Variants in ERVH48-1 observed in about 807,000 individuals in gnomAD.
ERVH48-1 encodes the protein endogenous retrovirus group 48 member 1, envelope.
A neutral mutation model predicts 2.4 loss-of-function variants in ERVH48-1; 4 were observed. The observed-to-expected ratio is 1.68, with a 90% confidence interval of 0.83 to 3.84. The LOEUF is 3.84. Ranked by LOEUF, ERVH48-1 falls within the 30% of genes most tolerant of loss-of-function variation. The pLI is 0.01. For synonymous variants in ERVH48-1, 32 were observed against 15.5 expected (o/e 2.06, Z -2.49); for missense variants, 97 against 43.4 (o/e 2.23, Z -3.47).
intron 1 of ERVH48-1, among the ~76,000 whole-genome samples, chr21:42,925,066 C>T (rs1173577858): frequency 6.6e-6 from 1 of 151,996 alleles, no homozygotes; most frequent in African/African-American, 2.4e-5. Context: ...CTGCCTCAGC[C>T]TCCCGAGTAG....
intron 1 of ERVH48-1, among the ~76,000 whole-genome samples, chr21:42,924,701 G>A (rs867405528): frequency 1.3e-5 from 2 of 152,158 alleles, no homozygotes; most frequent in Non-Finnish European, 2.9e-5. Context: ...CTCGCCTGAG[G>A]TCTAAGGTTT....
chr21:42,925,038 C>T (rs2058816740), intron 1 of ERVH48-1, among the ~76,000 whole-genome samples: 3 of 152,058 alleles, frequency 2.0e-5, no homozygotes, highest in East Asian at 1.9e-4. Context: ...CTCCACCTCC[C>T]GGGTTCAAGC....
At chr21:42,923,544 A>G (rs1277014796) in intron 1 of ERVH48-1, among the ~76,000 whole-genome samples, 1 of 152,044 alleles carries the variant, frequency 6.6e-6, no homozygotes, top group Non-Finnish European at 1.5e-5. Context: ...AGAGAGGAAA[A>G]AGGGCTGGGT....
intron 1 of ERVH48-1, among the ~76,000 whole-genome samples, chr21:42,923,245 C>T (rs2058812135): frequency 6.6e-6 from 1 of 152,264 alleles, no homozygotes; most frequent in Non-Finnish European, 1.5e-5. Context: ...TAGGAGGCTC[C>T]CGTGTGGAGC....
rs566366208 is a variant in ERVH48-1, at chr21:42,917,336, A to T, written c.*1188T>A. Reference sequence around the variant, plus strand: ...TCAACAAGAGTTTTAATGGGATACCACAGGGGAGAAACAGGAGGACCCCAG... The same window carrying T: ...TCAACAAGAGTTTTAATGGGATACCTCAGGGGAGAAACAGGAGGACCCCAG... On this transcript the variant is annotated 3_prime_UTR_variant, in exon 2 of 2. Coordinates refer to ENST00000447535, the MANE Select transcript of ERVH48-1 (RefSeq NM_001308491.2). The T allele has an allele frequency of 1.3e-5, 2 of 152,280 alleles. No homozygotes were observed. Among genetic ancestry groups the T allele is most frequent in the East Asian group, 1.9e-4 (1 of 5,186 alleles). The allele number at this position is 152,280 out of a possible 1,614,324, so 9.4% of individuals were successfully genotyped here.
In ERVH48-1 at chr21:42,925,578, T is replaced by G; in HGVS notation, c.-518A>C. On this transcript the variant is annotated 5_prime_UTR_variant, in exon 1 of 2. Transcript: ENST00000447535. ...CACGAGGCGGTGTGGAGCAACACAC[T>G]GTTTTAATAAGCACCTGGATGCAGA... The G allele has an allele frequency of 4.2e-6, 1 of 239,758 alleles. No individual in the cohort carries two copies. The highest frequency in any genetic ancestry group is 8.1e-6 in the Non-Finnish European group (1 of 123,404). 14.9% of individuals were successfully genotyped at this position (239,758 alleles called of 1,614,324 possible).
In ERVH48-1 at chr21:42,925,369, T is replaced by A; in HGVS notation, c.-309A>T. The A allele has an allele frequency of 2.2e-6, 1 of 463,564 alleles. No individual in the cohort carries two copies. The highest frequency in any genetic ancestry group is 3.6e-5 in the Admixed American group (1 of 27,628). 28.7% of individuals were successfully genotyped at this position (463,564 alleles called of 1,614,324 possible). On this transcript the variant is annotated 5_prime_UTR_variant, in exon 1 of 2. Coordinates refer to ENST00000447535, the MANE Select transcript of ERVH48-1 (RefSeq NM_001308491.2). The stretch of plus-strand genomic sequence containing the variant: ...ACCAGTAGGCGAGATCAGTGACCGA[T>A]GTGCATGCACAGAGAGGCGACTAGA...
At chr21:42,923,725 C>A (rs1358097820) in intron 1 of ERVH48-1, among the ~76,000 whole-genome samples, 1 of 152,148 alleles carries the variant, frequency 6.6e-6, no homozygotes, top group Non-Finnish European at 1.5e-5. Context: ...TGCCTCTGTG[C>A]CAGCAGGCTG....
chr21:42,923,532 C>G (rs1483610916), intron 1 of ERVH48-1, among the ~76,000 whole-genome samples: 1 of 152,098 alleles, frequency 6.6e-6, no homozygotes, highest in East Asian at 1.9e-4. Context: ...TTCCATTAAA[C>G]AAGAGAGGAA....
intron 1 of ERVH48-1, among the ~76,000 whole-genome samples, chr21:42,920,379 G>C (rs2058802269): frequency 6.6e-6 from 1 of 152,152 alleles, no homozygotes; most frequent in Admixed American, 6.5e-5. Context: ...GGATTGTCTG[G>C]GGTTTGGTGG....
chr21:42,918,558 G>A lies in ERVH48-1; in HGVS notation c.449C>T (p.Pro150Leu), dbSNP rs77912643. ...TTGTATAAAGGAATGGAAATGCCGC[G>A]GGCGATTTTCAGGGGGAGTTGTTGG... ...SKPTTPPENR[P>L]RHFHSFIQKL Residue 150 changes from proline (P) to leucine (L), a missense_variant, in exon 2 of 2, where the codon CCG becomes CTG. Pro to Leu is a moderately conservative substitution (Grantham distance 98). Transcript: ENST00000447535. The A allele has an allele frequency of 0.027, 12,263 of 456,228 alleles. 251 individuals are homozygous for A. Among genetic ancestry groups the A allele is most frequent in the Non-Finnish European group, 0.034 (7,801 of 226,708 alleles). The allele number at this position is 456,228 out of a possible 1,614,324, so 28.3% of individuals were successfully genotyped here.
intron 1 of ERVH48-1, among the ~76,000 whole-genome samples, chr21:42,924,269 A>T (rs1042489929): frequency 2.6e-5 from 4 of 152,082 alleles, no homozygotes; most frequent in African/African-American, 4.8e-5. Context: ...AGGATGGTGT[A>T]GGAAAAGAAG....
rs374260362 is a variant in ERVH48-1, at chr21:42,925,469, G to A, written c.-409C>T. ...GAGGGGTGGTAGGTCCACTGGGGAC[G>A]TGGACGGAAGCCCCTCGCAGGTTTC... On this transcript the variant is annotated 5_prime_UTR_variant, in exon 1 of 2. It adds an upstream start codon to the 5' untranslated region. Coordinates refer to ENST00000447535, the MANE Select transcript of ERVH48-1 (RefSeq NM_001308491.2). 2.1e-4 allele frequency: 86 copies of A among 400,664 alleles called. 1 individual carries two copies. Among genetic ancestry groups the A allele is most frequent in the East Asian group, 1.9e-3 (26 of 13,424 alleles). The allele number at this position is 400,664 out of a possible 1,614,324, so 24.8% of individuals were successfully genotyped here.
Position 42,918,380 on chromosome 21 carries a change from G to A in ERVH48-1, c.*144C>T, listed in dbSNP as rs1032580118. 5.5e-6 allele frequency: 2 copies of A among 362,566 alleles called. No homozygotes were observed. Among genetic ancestry groups the A allele is most frequent in the African/African-American group, 4.3e-5 (2 of 46,762 alleles). 22.5% of individuals were successfully genotyped at this position (362,566 alleles called of 1,614,324 possible). ...GTTTTGGGATGCCTGTAAGTAAGGGGGAATGTCTATCCCGTCCCACAGCCA... is the reference window on the plus strand; with the variant it reads ...GTTTTGGGATGCCTGTAAGTAAGGGAGAATGTCTATCCCGTCCCACAGCCA... On this transcript the variant is annotated 3_prime_UTR_variant, in exon 2 of 2. Transcript: ENST00000447535.
intron 1 of ERVH48-1, among the ~76,000 whole-genome samples, chr21:42,919,811 T>C (rs2058800092): frequency 6.6e-6 from 1 of 152,180 alleles, no homozygotes; most frequent in South Asian, 2.1e-4. Context: ...TTGTTGGGAA[T>C]GCTTCTACCC....
In ERVH48-1 at chr21:42,918,562, G is replaced by A. The variant is rs1477966563; in HGVS notation, c.445C>T (p.Arg149Cys). The A allele has an allele frequency of 8.8e-6, 4 of 456,212 alleles. No homozygotes were observed. Among genetic ancestry groups the A allele is most frequent in the African/African-American group, 4.0e-5 (2 of 50,020 alleles). 28.3% of individuals were successfully genotyped at this position (456,212 alleles called of 1,614,324 possible). A position where few individuals can be genotyped will look rare whatever the true frequency, so the allele number is the denominator to read the frequency against. Residue 149 changes from arginine to cysteine, a missense_variant, in exon 2 of 2, where the codon CGC (arginine) becomes TGC (cysteine). Physicochemically the swap from Arg to Cys is radical, Grantham distance 180. Transcript: ENST00000447535. ...ATAAAGGAATGGAAATGCCGCGGGC[G>A]ATTTTCAGGGGGAGTTGTTGGTTTT... ...ASKPTTPPEN[R>C]PRHFHSFIQK...
chr21:42,919,106 T>C lies in ERVH48-1; in HGVS notation c.-100A>G. ...GGAGAAATTGGCCCAGACAAACACT[T>C]AGCTGTTAATGTTTTGGAGGAAGAA... On this transcript the variant is annotated 5_prime_UTR_variant, in exon 2 of 2. Transcript: ENST00000447535. 8.4e-7 allele frequency: 1 copy of C among 1,195,984 alleles called. No individual in the cohort carries two copies. The highest frequency in any genetic ancestry group is 1.6e-5 in the African/African-American group (1 of 62,936). The allele number at this position is 1,195,984 out of a possible 1,614,324, so 74.1% of individuals were successfully genotyped here.
Position 42,918,992 on chromosome 21 carries a change from G to T in ERVH48-1, c.15C>A (p.Tyr5Ter). The change falls in exon 2 of 2, where the codon TAC (tyrosine) becomes TAA (stop). Residue 5 changes from tyrosine (Y) to a stop codon, truncating the protein, a stop_gained. Coordinates refer to ENST00000447535, the MANE Select transcript of ERVH48-1 (RefSeq NM_001308491.2). LOFTEE classifies it high-confidence loss of function. ...GAAGAGAGGTATAGAAAGTGGTTGG[G>T]TAGATACAGGCCATTCCTGGAAGCA... MACI[Y>*]PTTFYTSLPT... The T allele has an allele frequency of 9.0e-7, 1 of 1,116,226 alleles. No homozygotes were observed. Among genetic ancestry groups the T allele is most frequent in the South Asian group, 1.3e-5 (1 of 77,378 alleles). 69.1% of individuals were successfully genotyped at this position (1,116,226 alleles called of 1,614,324 possible). A position where few individuals can be genotyped will look rare whatever the true frequency, so the allele number is the denominator to read the frequency against.
chr21:42,916,862 C>T lies in ERVH48-1; in HGVS notation c.*1662G>A, dbSNP rs2146175592. 1 of 171,396 alleles carries T rather than the reference C, an allele frequency of 5.8e-6. No individual in the cohort carries two copies. The highest frequency in any genetic ancestry group is 1.4e-4 in the South Asian group (1 of 6,910). The allele number at this position is 171,396 out of a possible 1,614,324, so 10.6% of individuals were successfully genotyped here. On this transcript the variant is annotated 3_prime_UTR_variant, in exon 2 of 2. Transcript: ENST00000447535. ...GCAGACAGGCTGAGGCCTAAAATGGCATCAGCCCCAAGTGAGGATGGGGCA... is the reference window on the plus strand; with the variant it reads ...GCAGACAGGCTGAGGCCTAAAATGGTATCAGCCCCAAGTGAGGATGGGGCA...
Sources: gnomAD v4.1 joint callset for allele counts (sites outside exome capture counted in the v4.1 genomes callset) on GRCh38, gnomAD v4.1.1 for gene constraint, MANE v1.5 for transcripts, NCBI Gene and HGNC (gene_info 2026-07-23, HGNC 2026-07-21) for gene names.